The following CAMK2B variants were observed in gnomAD, a reference collection of about 807,000 sequenced individuals.
The protein encoded by CAMK2B is calcium/calmodulin-dependent protein kinase type II subunit beta.
A neutral mutation model predicts 93.7 loss-of-function variants in CAMK2B; 27 were observed. The observed-to-expected ratio is 0.29, with a 90% confidence interval of 0.21 to 0.40. The LOEUF (loss-of-function observed/expected upper bound fraction) is 0.40, where lower values mean the gene tolerates loss of function less well. CAMK2B is among the 10% of genes least tolerant of loss of function. The probability of loss-of-function intolerance (pLI) is 1.00; values close to 1 mark genes in which losing one functional copy is unlikely to be tolerated. For missense variants in CAMK2B, 568 were observed against 895.8 expected, an observed-to-expected ratio of 0.63 and a Z score of 4.67; for synonymous variants, 374 against 358.8, an observed-to-expected ratio of 1.04 and a Z score of -0.48.
intron 5 of CAMK2B, among the ~76,000 whole-genome samples, chr7:44,250,637 C>A (rs1319406494): frequency 1.3e-5 from 2 of 149,914 alleles, no homozygotes; most frequent in Non-Finnish European, 2.9e-5. Flanking sequence ...TCAAGCGATT[C>A]TCCTGCCTCA....
intron 2 of CAMK2B, among the ~76,000 whole-genome samples, chr7:44,272,362 A>G (rs1562972561): frequency 6.6e-6 from 1 of 152,080 alleles, no homozygotes; most frequent in Admixed American, 6.5e-5. Context: ...CCTCCTGGGC[A>G]CCCAGCACCT....
intron 1 of CAMK2B, among the ~76,000 whole-genome samples, chr7:44,313,371 C>T (rs1474974669): frequency 1.3e-5 from 2 of 151,666 alleles, no homozygotes; most frequent in African/African-American, 4.8e-5. Flanking sequence ...AGGCGGAGGG[C>T]ACCCCTGAGG....
chr7:44,228,182 G>A (rs936360075), intron 19 of CAMK2B, among the ~76,000 whole-genome samples: 12 of 151,960 alleles, frequency 7.9e-5, no homozygotes, highest in South Asian at 2.1e-4. Context: ...AGGGAGTCAC[G>A]GGCGTTACAG....
At chr7:44,220,942 C>T (rs1394935565) in intron 20 of CAMK2B, 41 bp from the exon 21 acceptor site, 2 of 1,527,300 alleles carry the variant, frequency 1.3e-6, no homozygotes, top group Non-Finnish European at 1.8e-6. Flanking sequence ...GGCGCTGGCC[C>T]ATTCCCCCCG....
intron 4 of CAMK2B, among the ~76,000 whole-genome samples, chr7:44,258,649 G>A (rs1488239715): frequency 1.3e-5 from 2 of 152,232 alleles, no homozygotes; most frequent in African/African-American, 2.4e-5. Flanking sequence ...TGTCAGCCCT[G>A]CCTCTGTGGG....
At chr7:44,313,819 G>A (rs535431543) in intron 1 of CAMK2B, among the ~76,000 whole-genome samples, 34 of 150,808 alleles carry the variant, frequency 2.3e-4, no homozygotes, top group African/African-American at 8.0e-4. Context: ...CACAGGCCCA[G>A]AGGGCTGGCT....
intron 4 of CAMK2B, among the ~76,000 whole-genome samples, chr7:44,258,289 G>A (rs2096851187): frequency 6.6e-6 from 1 of 152,148 alleles, no homozygotes; most frequent in Non-Finnish European, 1.5e-5. Context: ...ACTTGTGCCA[G>A]CGTACCCACA....
At chr7:44,234,544 G>C in intron 14 of CAMK2B, 83 bp from the exon 15 acceptor site, 2 of 1,591,578 alleles carry the variant, frequency 1.3e-6, no homozygotes, top group South Asian at 1.1e-5. Flanking sequence ...CAGGGCATGG[G>C]GGGAGGGGGA....
intron 23 of CAMK2B, 85 bp downstream of exon 23, chr7:44,219,975 C>A (rs35148004): frequency 4.3e-6 from 5 of 1,165,866 alleles, no homozygotes; most frequent in Non-Finnish European, 6.0e-6. Context: ...CAGGCCCCAC[C>A]GCTCCCCATC....
chr7:44,274,532 C>G (rs576471420), intron 2 of CAMK2B, among the ~76,000 whole-genome samples: 4 of 152,248 alleles, frequency 2.6e-5, no homozygotes, highest in African/African-American at 7.2e-5. Flanking sequence ...CAAGTCGTCC[C>G]GGGCACCTGG....
chr7:44,285,142 T>C (rs919720839), intron 1 of CAMK2B, among the ~76,000 whole-genome samples: 8 of 152,234 alleles, frequency 5.3e-5, no homozygotes, highest in African/African-American at 1.2e-4. Context: ...ACAGAGTCTA[T>C]GAGGCAGGAG....
chr7:44,258,417 C>CCA (rs905592254), intron 4 of CAMK2B, among the ~76,000 whole-genome samples: 1 of 152,272 alleles, frequency 6.6e-6, no homozygotes, highest in Non-Finnish European at 1.5e-5. Flanking sequence ...GTGCAAACAC[C>CCA]CACACACATA....
intron 1 of CAMK2B, among the ~76,000 whole-genome samples, chr7:44,307,977 A>G (rs187454690): frequency 1.9e-4 from 29 of 151,902 alleles, no homozygotes; most frequent in Middle Eastern, 3.4e-3. Context: ...TGATCCTCCC[A>G]CCTGGGCCTC....
intron 1 of CAMK2B, among the ~76,000 whole-genome samples, chr7:44,302,264 T>C (rs750770756): frequency 1.2e-4 from 18 of 152,182 alleles, no homozygotes; most frequent in Non-Finnish European, 2.5e-4. Flanking sequence ...GAATAATAAT[T>C]TTCCAAAACA....
intron 6 of CAMK2B, chr7:44,244,910 C>T: frequency 2.2e-6 from 1 of 455,958 alleles, no homozygotes; most frequent in South Asian, 1.6e-5. Context: ...GGGTCCCAGC[C>T]TGCTGGGGCA....
In CAMK2B at chr7:44,263,024, A is replaced by G. The variant is rs1231963384; in HGVS notation, c.201T>C (p.Leu67=). ...GCTCACCGATGTTGGAATGCTTCAG[A>G]AGGCGGCAGATCCGAGCCTCTCTCT... ...KLEREARICR[L]LKHSNIVRLH... Residue 67 remains leucine, a synonymous_variant, in exon 3 of 24, where the codon CTT becomes CTC. Transcript: ENST00000395749. 7.4e-6 allele frequency: 12 copies of G among 1,613,340 alleles called. No homozygotes were observed. Among genetic ancestry groups the G allele is most frequent in the Non-Finnish European group, 1.0e-5 (12 of 1,179,670 alleles).
chr7:44,262,629 T>C (rs948828777), intron 3 of CAMK2B, among the ~76,000 whole-genome samples: 1 of 152,208 alleles, frequency 6.6e-6, no homozygotes, highest in African/African-American at 2.4e-5. Flanking sequence ...GGTCACATGC[T>C]GGGCACTGGC....
chr7:44,325,221 T>G, intron 1 of CAMK2B, 136 bp downstream of exon 1: 1 of 322,962 alleles, frequency 3.1e-6, no homozygotes, highest in Non-Finnish European at 4.4e-6. Flanking sequence ...CGCGGGGCCG[T>G]GCGCTTGGGC....
chr7:44,251,630 C>T (rs1030489464), intron 5 of CAMK2B, among the ~76,000 whole-genome samples: 2 of 152,150 alleles, frequency 1.3e-5, no homozygotes, highest in Admixed American at 6.5e-5. Context: ...GCCGTGTGCC[C>T]CCTCGCTCCC....
Sources: allele counts gnomAD v4.1 joint callset (sites outside exome capture counted in the v4.1 genomes callset), GRCh38; gene constraint gnomAD v4.1.1; transcripts MANE v1.5; gene names NCBI Gene and HGNC (gene_info 2026-07-23, HGNC 2026-07-21).